The following SCAPER variants were observed in gnomAD, a reference collection of about 807,000 sequenced individuals.
SCAPER encodes the protein S phase cyclin A-associated protein in the endoplasmic reticulum.
SCAPER carries 98 observed loss-of-function variants against 182.2 expected under a neutral mutation model. The ratio of observed to expected loss-of-function variants is 0.54; its 90% CI spans 0.46 to 0.64. The LOEUF is 0.64. Ranked by LOEUF, SCAPER falls within the 30% of genes least tolerant of loss-of-function variation. SCAPER has a pLI of 0.00. For missense variants in SCAPER, 1,432 were observed against 1,690.0 expected, an observed-to-expected ratio of 0.85 and a Z score of 2.68; for synonymous variants, 605 against 564.6, an observed-to-expected ratio of 1.07 and a Z score of -1.01.
chr15:76,769,315 C>T (rs546463624), intron 10 of SCAPER, among the ~76,000 whole-genome samples: 5 of 151,682 alleles, frequency 3.3e-5, no homozygotes, highest in South Asian at 4.2e-4. Context: ...TGGTGGCAAG[C>T]GCCTGTAGTC....
At chr15:76,612,576 T>C (rs2051101888) in intron 22 of SCAPER, among the ~76,000 whole-genome samples, 2 of 152,058 alleles carry the variant, frequency 1.3e-5, no homozygotes, top group African/African-American at 4.8e-5. Flanking sequence ...TTCACCAAAG[T>C]CTCAGGATAC....
chr15:76,488,312 C>T (rs1001276166), intron 24 of SCAPER, among the ~76,000 whole-genome samples: 6 of 152,128 alleles, frequency 3.9e-5, no homozygotes, highest in African/African-American at 1.4e-4. Flanking sequence ...AATTTGAATA[C>T]CTACAATTAT....
At chr15:76,857,924 A>T (rs906056224) in intron 3 of SCAPER, 45 bp from the exon 4 acceptor site, 1 of 1,317,986 alleles carries the variant, frequency 7.6e-7, no homozygotes, top group Non-Finnish European at 1.1e-6. Context: ...ACAGAATGAT[A>T]GATAGTATAA....
At chr15:76,475,373 C>T (rs1336444084) in intron 24 of SCAPER, among the ~76,000 whole-genome samples, 1 of 151,834 alleles carries the variant, frequency 6.6e-6, no homozygotes, top group Non-Finnish European at 1.5e-5. Context: ...GTTGCCCAGG[C>T]TGGAGTGCAG....
At chr15:76,511,153 T>C (rs1433926327) in intron 23 of SCAPER, among the ~76,000 whole-genome samples, 2 of 152,132 alleles carry the variant, frequency 1.3e-5, no homozygotes, top group Non-Finnish European at 2.9e-5. Flanking sequence ...TGGTTCAGTG[T>C]ATACTGCTGG....
chr15:76,568,254 T>C (rs1004491663), intron 23 of SCAPER, among the ~76,000 whole-genome samples: 2 of 151,106 alleles, frequency 1.3e-5, no homozygotes, highest in Admixed American at 6.6e-5. Flanking sequence ...AATTCAATTA[T>C]GTTCCATTCT....
chr15:76,375,549 G>A (rs752739740), intron 29 of SCAPER, among the ~76,000 whole-genome samples: 8 of 152,186 alleles, frequency 5.3e-5, no homozygotes, highest in Non-Finnish European at 8.8e-5. Flanking sequence ...CAGACTCCAT[G>A]TGGTAAGGAA....
intron 5 of SCAPER, among the ~76,000 whole-genome samples, chr15:76,821,644 A>G (rs2067562919): frequency 6.6e-6 from 1 of 151,476 alleles, no homozygotes; most frequent in Admixed American, 6.6e-5. Flanking sequence ...AAAACACCAC[A>G]GTGGGGCCGG....
chr15:76,702,072 A>T (rs1194002295), intron 19 of SCAPER, among the ~76,000 whole-genome samples: 1 of 152,180 alleles, frequency 6.6e-6, no homozygotes, highest in African/African-American at 2.4e-5. Flanking sequence ...CTGAGGCAGG[A>T]ATATCGCCGG....
intron 2 of SCAPER, among the ~76,000 whole-genome samples, chr15:76,881,957 T>C (rs2073568504): frequency 6.6e-6 from 1 of 152,196 alleles, no homozygotes; most frequent in African/African-American, 2.4e-5. Context: ...GAAAGCTGAA[T>C]TTCTCTAAAT....
intron 2 of SCAPER, among the ~76,000 whole-genome samples, chr15:76,882,983 A>G (rs1305241634): frequency 6.6e-6 from 1 of 152,196 alleles, no homozygotes; most frequent in Non-Finnish European, 1.5e-5. Flanking sequence ...TCTTTCAACC[A>G]GAAGAAGGGG....
intron 20 of SCAPER, among the ~76,000 whole-genome samples, chr15:76,691,349 A>C (rs1226764359): frequency 6.6e-6 from 1 of 152,118 alleles, no homozygotes; most frequent in African/African-American, 2.4e-5. Flanking sequence ...CAAACATTCA[A>C]GTCCCTGGAA....
At chr15:76,799,847 CCATTCCCCTGGTT>C (rs995095903) in intron 7 of SCAPER, among the ~76,000 whole-genome samples, 1 of 152,088 alleles carries the variant, frequency 6.6e-6, no homozygotes, top group Non-Finnish European at 1.5e-5. Context: ...AAATGAAACT[CCATTCCCCTGGTT>C]AGCTTTCCTG....
intron 27 of SCAPER, among the ~76,000 whole-genome samples, chr15:76,390,491 C>T (rs2043614289): frequency 6.6e-6 from 1 of 152,140 alleles, no homozygotes; most frequent in Non-Finnish European, 1.5e-5. Flanking sequence ...AAAGAGGTGA[C>T]AGGCTCAGGA....
chr15:76,497,989 CAAAAAAA>C (rs747096625), intron 24 of SCAPER, among the ~76,000 whole-genome samples: 209 of 58,308 alleles, frequency 3.6e-3, no homozygotes, highest in African/African-American at 0.012. Flanking sequence ...GACTCCGTCT[CAAAAAAA>C]AAAAAAAAAA....
At chr15:76,400,709 C>A (rs1325146383) in intron 27 of SCAPER, among the ~76,000 whole-genome samples, 1 of 152,118 alleles carries the variant, frequency 6.6e-6, no homozygotes, top group Non-Finnish European at 1.5e-5. Flanking sequence ...CCACCTGGAC[C>A]TTCTTTCTAG....
chr15:76,690,915 T>C (rs1161162223), intron 20 of SCAPER, among the ~76,000 whole-genome samples: 3 of 152,048 alleles, frequency 2.0e-5, no homozygotes, highest in African/African-American at 7.2e-5. Flanking sequence ...AAGTGAAATA[T>C]GAACACAGTG....
At chr15:76,774,039 T>C (rs2063610900) in intron 9 of SCAPER, among the ~76,000 whole-genome samples, 1 of 151,828 alleles carries the variant, frequency 6.6e-6, no homozygotes, top group African/African-American at 2.4e-5. Context: ...AGGAATTATG[T>C]TAAATATTAT....
At chr15:76,457,497 T>C (rs1193872962) in intron 25 of SCAPER, among the ~76,000 whole-genome samples, 2 of 152,226 alleles carry the variant, frequency 1.3e-5, no homozygotes, top group Non-Finnish European at 2.9e-5. Context: ...TTTTGGAATA[T>C]CTGAATATAT....
Sources: allele counts gnomAD v4.1 joint callset (sites outside exome capture counted in the v4.1 genomes callset), GRCh38; gene constraint gnomAD v4.1.1; transcripts MANE v1.5; gene names NCBI Gene and HGNC (gene_info 2026-07-23, HGNC 2026-07-21).